PEBP4: variants seen among roughly 807,000 people sequenced by gnomAD.
The protein encoded by PEBP4 is phosphatidylethanolamine binding protein 4.
A neutral mutation model predicts 23.9 loss-of-function variants in PEBP4; 22 were observed. The ratio of observed to expected loss-of-function variants is 0.92; its 90% CI spans 0.66 to 1.31. The LOEUF is 1.31. Among genes scored for constraint, PEBP4 ranks in the 40% most tolerant of loss-of-function variants. The probability of loss-of-function intolerance (pLI) is 0.00; values close to 1 mark genes in which losing one functional copy is unlikely to be tolerated. For synonymous variants in PEBP4, 112 were observed against 99.3 expected, an observed-to-expected ratio of 1.13 and a Z score of -0.76; for missense variants, 324 against 281.7, an observed-to-expected ratio of 1.15 and a Z score of -1.07.
At chr8:22,790,374 C>G (rs1439769436) in intron 4 of PEBP4, among the ~76,000 whole-genome samples, 1 of 152,138 alleles carries the variant, frequency 6.6e-6, no homozygotes, top group Non-Finnish European at 1.5e-5. Flanking sequence ...TACAGGGATT[C>G]AAGGGATGAC....
At chr8:22,912,755 C>T (rs17088765) in intron 3 of PEBP4, among the ~76,000 whole-genome samples, 29,686 of 152,202 alleles carry the variant, frequency 0.2, 3,164 homozygotes, top group Middle Eastern at 0.26. Flanking sequence ...TCCAGTTGCA[C>T]CCAGAGGAGC....
At chr8:22,863,452 G>A (rs1435274907) in intron 3 of PEBP4, among the ~76,000 whole-genome samples, 1 of 152,198 alleles carries the variant, frequency 6.6e-6, no homozygotes, top group African/African-American at 2.4e-5. Context: ...GTCATAGATA[G>A]TTGGCAGCGT....
chr8:22,738,457 T>C (rs1196846915), intron 4 of PEBP4, among the ~76,000 whole-genome samples: 1 of 152,076 alleles, frequency 6.6e-6, no homozygotes, highest in East Asian at 1.9e-4. Context: ...CAGAAACTGC[T>C]CGGTGATGGG....
At chr8:22,806,634 G>C (rs1294413247) in intron 4 of PEBP4, among the ~76,000 whole-genome samples, 1 of 129,696 alleles carries the variant, frequency 7.7e-6, no homozygotes, top group African/African-American at 3.0e-5. Flanking sequence ...AAAAAAAAAA[G>C]ATATAAACAA....
At chr8:22,907,204 A>AT (rs1360182526) in intron 3 of PEBP4, among the ~76,000 whole-genome samples, 1 of 152,214 alleles carries the variant, frequency 6.6e-6, no homozygotes, top group Non-Finnish European at 1.5e-5. Context: ...CATGCCTGTA[A>AT]TCCCAGCACT....
intron 4 of PEBP4, among the ~76,000 whole-genome samples, chr8:22,782,919 C>T (rs922941107): frequency 1.3e-5 from 2 of 152,234 alleles, no homozygotes; most frequent in African/African-American, 2.4e-5. Flanking sequence ...CTGCCAGAGT[C>T]ACAGGGAAGA....
At chr8:22,727,276 C>T (rs1035599451) in intron 4 of PEBP4, 56 bp from the exon 5 acceptor site, 47 of 1,569,920 alleles carry the variant, frequency 3.0e-5, no homozygotes, top group South Asian at 1.9e-4. Flanking sequence ...CTTCAGGCCA[C>T]GTGGGCTCTG....
At chr8:22,829,644 T>G (rs904187702) in intron 3 of PEBP4, among the ~76,000 whole-genome samples, 7 of 152,206 alleles carry the variant, frequency 4.6e-5, no homozygotes, top group African/African-American at 1.7e-4. Flanking sequence ...TGTCATGCTT[T>G]GGATCCTCTC....
At chr8:22,735,584 A>C (rs1015957261) in intron 4 of PEBP4, among the ~76,000 whole-genome samples, 1 of 152,206 alleles carries the variant, frequency 6.6e-6, no homozygotes, top group African/African-American at 2.4e-5. Flanking sequence ...TGAGACTCAA[A>C]GCTCTCAGCA....
chr8:22,873,747 A>T (rs1808059297), intron 3 of PEBP4, among the ~76,000 whole-genome samples: 1 of 152,268 alleles, frequency 6.6e-6, no homozygotes. Flanking sequence ...TGTCTTTAAC[A>T]TACCGATACT....
At chr8:22,920,558 G>T (rs1279448557) in intron 2 of PEBP4, among the ~76,000 whole-genome samples, 1 of 152,170 alleles carries the variant, frequency 6.6e-6, no homozygotes, top group Non-Finnish European at 1.5e-5. Flanking sequence ...GGCGGTCAAT[G>T]GTCAGAACAG....
At chr8:22,836,443 C>G (rs1349930900) in intron 3 of PEBP4, among the ~76,000 whole-genome samples, 1 of 152,232 alleles carries the variant, frequency 6.6e-6, no homozygotes, top group Non-Finnish European at 1.5e-5. Context: ...GACACTTGTG[C>G]AATTTAAAAC....
At position 22,853,893 on chromosome 8, in the gene PEBP4, A is replaced by G. The variant is rs929580786; in HGVS notation, c.259-36158T>C. ...CAGGAGATGCATCTTGGTTGGGACAACAATTATGCCAACTGCTTATTGTTT... is the reference window on the plus strand; with the variant it reads ...CAGGAGATGCATCTTGGTTGGGACAGCAATTATGCCAACTGCTTATTGTTT... On this transcript the variant is annotated intron_variant, in intron 3 of 6. Transcript: ENST00000256404. Among the ~76,000 whole-genome samples the G allele has an allele frequency of 8.5e-5, 13 of 152,348 alleles. No homozygotes were observed. The South Asian group carries it at 2.5e-3, about 29-fold the overall frequency.
At chr8:22,802,644 G>C (rs986394296) in intron 4 of PEBP4, among the ~76,000 whole-genome samples, 2 of 152,324 alleles carry the variant, frequency 1.3e-5, no homozygotes, top group East Asian at 1.9e-4. Context: ...AAGTAAATGA[G>C]AGTGGCTTCC....
chr8:22,715,127 T>C (rs1392602404), intron 6 of PEBP4, among the ~76,000 whole-genome samples: 1 of 152,174 alleles, frequency 6.6e-6, no homozygotes, highest in Non-Finnish European at 1.5e-5. Flanking sequence ...CAAATCCTAT[T>C]CGACTCAGTG....
chr8:22,854,786 T>C (rs552392958), intron 3 of PEBP4, among the ~76,000 whole-genome samples: 1 of 152,100 alleles, frequency 6.6e-6, no homozygotes, highest in African/African-American at 2.4e-5. Context: ...AGAAGAAAAA[T>C]TACTCTGCAC....
intron 4 of PEBP4, chr8:22,798,722 T>TC (rs1288653514): frequency 1.6e-5 from 2 of 125,126 alleles, no homozygotes; most frequent in South Asian, 2.7e-4. Context: ...TTTTCTTTTC[T>TC]TTTTTCTTTT....
At chr8:22,912,105 A>G (rs1203442480) in intron 3 of PEBP4, among the ~76,000 whole-genome samples, 1 of 152,192 alleles carries the variant, frequency 6.6e-6, no homozygotes, top group Non-Finnish European at 1.5e-5. Context: ...CTGGAATGAC[A>G]GAGAAGGCCA....
intron 3 of PEBP4, among the ~76,000 whole-genome samples, chr8:22,902,241 A>G (rs963188771): frequency 6.6e-6 from 1 of 152,192 alleles, no homozygotes. Flanking sequence ...AGGCAGGATA[A>G]TTGCTTGAAC....
Sources: gnomAD v4.1 joint callset for allele counts (sites outside exome capture counted in the v4.1 genomes callset) on GRCh38, gnomAD v4.1.1 for gene constraint, MANE v1.5 for transcripts, NCBI Gene and HGNC (gene_info 2026-07-23, HGNC 2026-07-21) for gene names.